ASCC3: variants seen among roughly 807,000 people sequenced by gnomAD.
ASCC3 encodes activating signal cointegrator 1 complex subunit 3.
In ASCC3, 158 loss-of-function variants were observed where a neutral mutation model predicts 256.3. That is an observed-to-expected ratio of 0.62 (90% CI 0.54 to 0.70). The LOEUF (loss-of-function observed/expected upper bound fraction) is 0.70, where lower values mean the gene tolerates loss of function less well. Ranked by LOEUF, ASCC3 falls within the 30% of genes least tolerant of loss-of-function variation. ASCC3 has a pLI of 0.00. For missense variants in ASCC3, 2,259 were observed against 2,626.0 expected (o/e 0.86, Z 3.05); for synonymous variants, 948 against 883.4 (o/e 1.07, Z -1.30).
At chr6:100,677,724 G>C (rs1777097892) in intron 14 of ASCC3, among the ~76,000 whole-genome samples, 1 of 151,240 alleles carries the variant, frequency 6.6e-6, no homozygotes, top group South Asian at 2.1e-4. Flanking sequence ...GTAGGACAAT[G>C]TTCTTAATAA....
In ASCC3 at chr6:100,647,269, CT is replaced by C. The variant is rs759097017; in HGVS notation, c.3434del (p.Lys1145SerfsTer7). ...TGTCTTTCAGCTTATCCACAGTAAG[CT>C]TTTTTTCTTCTAATCTTGTTAGGAT... ...PHILTRLEEKKLTVDKLKDMR... is the reference protein window; with the variant it reads ...PHILTRLEEKXLTVDKLKDMR... On this transcript the variant is annotated frameshift_variant, in exon 21 of 42. Transcript: ENST00000369162. LOFTEE classifies it high-confidence loss of function. 1 of 1,613,952 alleles carries C rather than the reference CT, an allele frequency of 6.2e-7. No homozygotes were observed. Among genetic ancestry groups the C allele is most frequent in the Admixed American group, 1.7e-5 (1 of 59,998 alleles).
At chr6:100,788,415 T>A (rs1156835840) in intron 8 of ASCC3, among the ~76,000 whole-genome samples, 1 of 152,038 alleles carries the variant, frequency 6.6e-6, no homozygotes, top group Non-Finnish European at 1.5e-5. Context: ...TGCCAGTTTC[T>A]TACAAAGATA....
intron 36 of ASCC3, among the ~76,000 whole-genome samples, chr6:100,570,497 T>C (rs1770530332): frequency 6.6e-6 from 1 of 152,180 alleles, no homozygotes; most frequent in Non-Finnish European, 1.5e-5. Context: ...TTCCACCTGG[T>C]TTCCAGGACA....
intron 34 of ASCC3, among the ~76,000 whole-genome samples, 161 bp from the exon 35 acceptor site, chr6:100,590,220 G>C (rs1771932789): frequency 6.6e-6 from 1 of 152,078 alleles, no homozygotes; most frequent in Admixed American, 6.6e-5. Flanking sequence ...TTGGGTGGTA[G>C]ATGAGTTCTT....
At chr6:100,584,087 T>C (rs1268043345) in intron 36 of ASCC3, among the ~76,000 whole-genome samples, 1 of 151,768 alleles carries the variant, frequency 6.6e-6, no homozygotes, top group Non-Finnish European at 1.5e-5. Context: ...GAGAGTTCTG[T>C]AGATGTCTAT....
chr6:100,726,134 C>T (rs1779616881), intron 10 of ASCC3, among the ~76,000 whole-genome samples: 1 of 151,802 alleles, frequency 6.6e-6, no homozygotes, highest in African/African-American at 2.4e-5. Flanking sequence ...CGATAATCTA[C>T]TTTGGATGAC....
At chr6:100,647,136 TG>T (rs1339459432) in intron 21 of ASCC3, 89 bp downstream of exon 21, 77 of 1,169,642 alleles carry the variant, frequency 6.6e-5, no homozygotes, top group Non-Finnish European at 8.7e-5. Context: ...TTTTGATTAA[TG>T]TGGAAATTCA....
intron 30 of ASCC3, among the ~76,000 whole-genome samples, chr6:100,609,221 G>T (rs1186402077): frequency 6.6e-6 from 1 of 151,274 alleles, no homozygotes; most frequent in Non-Finnish European, 1.5e-5. Flanking sequence ...TTCAACTTCT[G>T]TTATAGTTTT....
chr6:100,656,969 G>T (rs955535413), intron 16 of ASCC3, among the ~76,000 whole-genome samples: 3 of 150,708 alleles, frequency 2.0e-5, no homozygotes, highest in Admixed American at 1.3e-4. Context: ...TCTCGATTTA[G>T]TCCTAATATT....
chr6:100,738,048 T>C (rs1780264588), intron 10 of ASCC3, among the ~76,000 whole-genome samples: 2 of 152,212 alleles, frequency 1.3e-5, no homozygotes, highest in South Asian at 2.1e-4. Context: ...GTTCATGTCC[T>C]TTGCCCACTT....
chr6:100,798,648 T>C, intron 8 of ASCC3, 65 bp downstream of exon 8: 3 of 1,603,822 alleles, frequency 1.9e-6, no homozygotes, highest in South Asian at 2.2e-5. Context: ...ATTTTTCCAG[T>C]ATAAATTCAT....
In ASCC3 at chr6:100,723,901, TA is replaced by T. The variant is rs1440094927; in HGVS notation, c.1902+1637del. Among the ~76,000 whole-genome samples the T allele has an allele frequency of 3.7e-3, 478 of 127,624 alleles. 7 individuals carry two copies. The highest frequency in any genetic ancestry group is 0.011 in the East Asian group (42 of 3,902). 83.7% of individuals were successfully genotyped at this position (127,624 alleles called of 152,430 possible). On this transcript the variant is annotated intron_variant, in intron 11 of 41. Coordinates refer to ENST00000369162, the MANE Select transcript of ASCC3 (RefSeq NM_006828.4). ...ATATATATATATATATATATATTTA[TA>T]ATTATATATATGACACATATATATA...
chr6:100,666,028 T>C (rs1776456388), intron 14 of ASCC3, among the ~76,000 whole-genome samples: 1 of 152,140 alleles, frequency 6.6e-6, no homozygotes, highest in Non-Finnish European at 1.5e-5. Flanking sequence ...CCCTATAGTT[T>C]TGTCTCTCCA....
At chr6:100,746,151 T>A (rs1780660222) in intron 10 of ASCC3, among the ~76,000 whole-genome samples, 2 of 50,322 alleles carry the variant, frequency 4.0e-5, no homozygotes, top group African/African-American at 1.1e-4. Context: ...AACAGAACAA[T>A]TTTTAAAATA....
intron 26 of ASCC3, among the ~76,000 whole-genome samples, 196 bp from the exon 27 acceptor site, chr6:100,629,377 A>G (rs1774419709): frequency 6.6e-6 from 1 of 152,198 alleles, no homozygotes; most frequent in African/African-American, 2.4e-5. Flanking sequence ...CTTGCCATAA[A>G]ATGAAGGTCA....
intron 8 of ASCC3, among the ~76,000 whole-genome samples, chr6:100,771,859 T>A (rs995650256): frequency 6.3e-5 from 9 of 143,794 alleles, no homozygotes; most frequent in Non-Finnish European, 1.5e-5. Flanking sequence ...AATAAAACAA[T>A]CTGCAAGTTT....
intron 13 of ASCC3, among the ~76,000 whole-genome samples, chr6:100,693,103 C>T (rs954200423): frequency 1.3e-4 from 20 of 151,882 alleles, no homozygotes; most frequent in Non-Finnish European, 2.4e-4. Context: ...ATTTAAGATA[C>T]ATATATATGA....
At chr6:100,590,843 T>C (rs572369459) in intron 34 of ASCC3, among the ~76,000 whole-genome samples, 9 of 152,190 alleles carry the variant, frequency 5.9e-5, no homozygotes, top group African/African-American at 1.7e-4. Context: ...GGAAGAGACT[T>C]GGGGTCAGTA....
intron 13 of ASCC3, among the ~76,000 whole-genome samples, chr6:100,681,772 C>T (rs760854683): frequency 1.5e-5 from 2 of 130,084 alleles, no homozygotes; most frequent in Non-Finnish European, 3.3e-5. Context: ...AAAAAGAGTA[C>T]ACTAATAGAA....
Sources: allele counts gnomAD v4.1 joint callset (sites outside exome capture counted in the v4.1 genomes callset), GRCh38; gene constraint gnomAD v4.1.1; transcripts MANE v1.5; gene names NCBI Gene and HGNC (gene_info 2026-07-23, HGNC 2026-07-21).